Variants in NCAM2 observed in about 807,000 individuals in gnomAD.
The protein encoded by NCAM2 is N-CAM-2.
In NCAM2, 30 loss-of-function variants were observed where a neutral mutation model predicts 98.1. That is an observed-to-expected ratio of 0.31 (90% CI 0.23 to 0.41). The LOEUF (loss-of-function observed/expected upper bound fraction) is 0.41, where lower values mean the gene tolerates loss of function less well. Among genes scored for constraint, NCAM2 ranks in the 10% least tolerant of loss-of-function variants. The probability of loss-of-function intolerance (pLI) is 1.00; values close to 1 mark genes in which losing one functional copy is unlikely to be tolerated. For synonymous variants in NCAM2, 368 were observed against 342.4 expected (o/e 1.07, Z -0.83); for missense variants, 867 against 1,005.8 (o/e 0.86, Z 1.87).
At chr21:21,006,569 TTAAG>T (rs1260460657) in intron 1 of NCAM2, among the ~76,000 whole-genome samples, 1 of 152,172 alleles carries the variant, frequency 6.6e-6, no homozygotes, top group Non-Finnish European at 1.5e-5. Flanking sequence ...CATTAATTTC[TTAAG>T]TAAGAGCCAG....
chr21:21,431,833 G>C (rs773585245), intron 11 of NCAM2, among the ~76,000 whole-genome samples: 1 of 150,828 alleles, frequency 6.6e-6, no homozygotes, highest in African/African-American at 2.4e-5. Flanking sequence ...TGTTTATATC[G>C]TATAGAAAAT....
At chr21:21,504,019 C>T (rs1987808775) in intron 15 of NCAM2, among the ~76,000 whole-genome samples, 1 of 151,634 alleles carries the variant, frequency 6.6e-6, no homozygotes, top group Non-Finnish European at 1.5e-5. Flanking sequence ...AGTTGTACCT[C>T]CAAATAATAT....
intron 5 of NCAM2, among the ~76,000 whole-genome samples, chr21:21,319,655 A>C (rs531074937): frequency 6.6e-6 from 1 of 152,198 alleles, no homozygotes; most frequent in South Asian, 2.1e-4. Context: ...AAAAATAAAC[A>C]ATAATAACTA....
At chr21:21,096,624 G>A (rs888409411) in intron 1 of NCAM2, among the ~76,000 whole-genome samples, 12 of 151,632 alleles carry the variant, frequency 7.9e-5, no homozygotes, top group South Asian at 4.1e-4. Flanking sequence ...GGTACCACAA[G>A]CAAGAATCTT....
intron 10 of NCAM2, among the ~76,000 whole-genome samples, chr21:21,411,075 C>T (rs62207439): frequency 2.0e-4 from 1 of 4,962 alleles, no homozygotes; most frequent in Non-Finnish European, 3.3e-4. Context: ...TATATACACA[C>T]ACATATATAT....
At chr21:21,075,879 G>T (rs62207595) in intron 1 of NCAM2, among the ~76,000 whole-genome samples, 26,302 of 152,128 alleles carry the variant, frequency 0.17, 2,489 homozygotes, top group Non-Finnish European at 0.19. Flanking sequence ...CACTTTGGGA[G>T]GCTGAGGCTG....
At chr21:21,287,149 A>G (rs1203251287) in intron 4 of NCAM2, among the ~76,000 whole-genome samples, 1 of 151,980 alleles carries the variant, frequency 6.6e-6, no homozygotes, top group East Asian at 1.9e-4. Context: ...CATAGGGAGC[A>G]TTTTCAATTT....
chr21:21,088,399 T>G (rs769076362), intron 1 of NCAM2, among the ~76,000 whole-genome samples: 1 of 152,198 alleles, frequency 6.6e-6, no homozygotes, highest in Non-Finnish European at 1.5e-5. Context: ...TATATGTAAT[T>G]GTGTATATGG....
At chr21:21,446,375 C>T (rs542788905) in intron 12 of NCAM2, among the ~76,000 whole-genome samples, 1 of 152,080 alleles carries the variant, frequency 6.6e-6, no homozygotes, top group African/African-American at 2.4e-5. Flanking sequence ...GCATGTTGGC[C>T]TGTCTTGCTG....
chr21:21,382,648 T>C (rs926414426), intron 9 of NCAM2, among the ~76,000 whole-genome samples: 6 of 151,956 alleles, frequency 3.9e-5, no homozygotes, highest in Non-Finnish European at 7.4e-5. Flanking sequence ...TCTGAGTAGC[T>C]GGGATTACAG....
intron 1 of NCAM2, among the ~76,000 whole-genome samples, chr21:21,045,724 G>C (rs1223598217): frequency 6.6e-6 from 1 of 152,184 alleles, no homozygotes; most frequent in Non-Finnish European, 1.5e-5. Context: ...CCCTGGCATT[G>C]AATATTAAAG....
intron 1 of NCAM2, among the ~76,000 whole-genome samples, chr21:21,088,636 G>A (rs1010884752): frequency 1.3e-5 from 2 of 152,046 alleles, no homozygotes; most frequent in African/African-American, 4.8e-5. Context: ...AAAATATAGG[G>A]GGTTGTTGAC....
chr21:21,447,503 G>T (rs1302725630), intron 12 of NCAM2, among the ~76,000 whole-genome samples: 1 of 152,082 alleles, frequency 6.6e-6, no homozygotes, highest in South Asian at 2.1e-4. Context: ...AAAACTTCAT[G>T]ACGAAAAGCC....
At chr21:20,999,411 C>T (rs1156749293) in intron 1 of NCAM2, among the ~76,000 whole-genome samples, 2 of 151,558 alleles carry the variant, frequency 1.3e-5, no homozygotes, top group Non-Finnish European at 2.9e-5. Flanking sequence ...TGGAAGCTAT[C>T]ACTGTTTGTC....
intron 5 of NCAM2, among the ~76,000 whole-genome samples, chr21:21,305,213 G>A (rs1161402619): frequency 1.3e-5 from 2 of 152,108 alleles, no homozygotes; most frequent in South Asian, 2.1e-4. Context: ...AGATACTCGG[G>A]AGGCTGAGGC....
chr21:21,384,411 G>C (rs944729395), intron 9 of NCAM2, among the ~76,000 whole-genome samples: 2 of 151,590 alleles, frequency 1.3e-5, no homozygotes, highest in Non-Finnish European at 3.0e-5. Flanking sequence ...TAGCAGTCTA[G>C]TTTCCTTTTT....
At chr21:21,309,787 C>A (rs1279604406) in intron 5 of NCAM2, among the ~76,000 whole-genome samples, 1 of 152,164 alleles carries the variant, frequency 6.6e-6, no homozygotes, top group Non-Finnish European at 1.5e-5. Flanking sequence ...TCCTGTGCTG[C>A]AATCTAGAAA....
intron 1 of NCAM2, among the ~76,000 whole-genome samples, chr21:21,100,992 A>G (rs961937961): frequency 9.4e-5 from 14 of 148,274 alleles, no homozygotes; most frequent in African/African-American, 3.3e-4. Flanking sequence ...TCCCAATTGT[A>G]TTCCCCAAAT....
chr21:21,289,686 G>A (rs2073225810), intron 4 of NCAM2, among the ~76,000 whole-genome samples: 1 of 151,800 alleles, frequency 6.6e-6, no homozygotes, highest in Non-Finnish European at 1.5e-5. Context: ...TTTAAACAAA[G>A]GACTAATAAG....
Sources: allele counts gnomAD v4.1 joint callset (sites outside exome capture counted in the v4.1 genomes callset), GRCh38; gene constraint gnomAD v4.1.1; transcripts MANE v1.5; gene names NCBI Gene and HGNC (gene_info 2026-07-23, HGNC 2026-07-21).